Variants in ELOVL7 observed in about 807,000 individuals in gnomAD.
The protein encoded by ELOVL7 is ELOVL fatty acid elongase 7.
A neutral mutation model predicts 35.7 loss-of-function variants in ELOVL7; 27 were observed. The observed-to-expected ratio is 0.76, with a 90% CI of 0.56 to 1.04. ELOVL7 has a LOEUF of 1.04. Among genes scored for constraint, ELOVL7 ranks in the 50% least tolerant of loss-of-function variants. ELOVL7 has a pLI of 0.00. For missense variants in ELOVL7, 327 were observed against 340.8 expected (o/e 0.96, Z 0.32); for synonymous variants, 113 against 114.6 (o/e 0.99, Z 0.09).
At position 60,771,996 on chromosome 5, in the gene ELOVL7, C is replaced by T. The variant is rs376599737; in HGVS notation, c.162G>A (p.Lys54=). 3 of 1,613,870 alleles carry T rather than the reference C, an allele frequency of 1.9e-6. No individual in the cohort carries two copies. Among genetic ancestry groups the T allele is most frequent in the Non-Finnish European group, 2.5e-6 (3 of 1,179,790 alleles). The change falls in exon 4 of 9, where the codon AAG becomes AAA. Residue 54 remains lysine (K), a synonymous_variant. Transcript: ENST00000508821. ...CAAAGGGCTTGCGATTTTCCATGAG[C>T]TTTGGTCCCAAGGAAGTGACAAAAT... ...YVYFVTSLGP[K]LMENRKPFEL...
At chr5:60,834,760 C>T (rs138528745) in intron 1 of ELOVL7, among the ~76,000 whole-genome samples, 141 of 152,250 alleles carry the variant, frequency 9.3e-4, no homozygotes, top group African/African-American at 3.2e-3. Context: ...CTAACAGGAG[C>T]AGGAATTCTG....
chr5:60,780,322 G>T, intron 3 of ELOVL7, among the ~76,000 whole-genome samples: 1 of 151,910 alleles, frequency 6.6e-6, no homozygotes, highest in Admixed American at 6.6e-5. Context: ...GTTTCTCTAT[G>T]TTGGTCAGGC....
At chr5:60,837,339 T>G (rs909012003) in intron 1 of ELOVL7, among the ~76,000 whole-genome samples, 1,564 of 75,702 alleles carry the variant, frequency 0.021, 2 homozygotes, top group African/African-American at 0.041. Context: ...GGGGTGGGGG[T>G]GGCGCTTGTC....
chr5:60,827,039 T>C (rs1746208064), intron 1 of ELOVL7, among the ~76,000 whole-genome samples: 2 of 152,194 alleles, frequency 1.3e-5, no homozygotes. Context: ...AGGATCTTCA[T>C]TTATTCCATG....
chr5:60,826,902 TCTGGGTTAGCAGA>T (rs1177663632), intron 1 of ELOVL7, among the ~76,000 whole-genome samples: 1 of 152,200 alleles, frequency 6.6e-6, no homozygotes, highest in Non-Finnish European at 1.5e-5. Context: ...ATAAATGGCC[TCTGGGTTAGCAGA>T]CTGTATTTGT....
chr5:60,788,317 G>A (rs887544852), intron 2 of ELOVL7, among the ~76,000 whole-genome samples: 70 of 152,242 alleles, frequency 4.6e-4, no homozygotes, highest in African/African-American at 1.7e-3. Flanking sequence ...AAGCCATGTG[G>A]TGGGAACATG....
chr5:60,782,079 T>C (rs1743289125), intron 3 of ELOVL7, among the ~76,000 whole-genome samples: 1 of 152,296 alleles, frequency 6.6e-6, no homozygotes, highest in African/African-American at 2.4e-5. Context: ...TCCATTTTTT[T>C]AAATGTGCAA....
intron 1 of ELOVL7, among the ~76,000 whole-genome samples, chr5:60,816,648 T>A (rs1178006368): frequency 6.6e-6 from 1 of 152,232 alleles, no homozygotes; most frequent in African/African-American, 2.4e-5. Context: ...TGTACAATGA[T>A]AATGCCATGG....
chr5:60,836,547 C>T (rs949099366), intron 1 of ELOVL7, among the ~76,000 whole-genome samples: 3 of 152,058 alleles, frequency 2.0e-5, no homozygotes, highest in Non-Finnish European at 2.9e-5. Flanking sequence ...TGCAACACAG[C>T]ACTGTCTGCC....
At chr5:60,805,834 G>C (rs1051096119) in intron 1 of ELOVL7, among the ~76,000 whole-genome samples, 1 of 152,166 alleles carries the variant, frequency 6.6e-6, no homozygotes, top group Non-Finnish European at 1.5e-5. Flanking sequence ...CTCATGAAGA[G>C]GAAAGAGACT....
In ELOVL7 at chr5:60,787,411, T is replaced by C. The variant is rs766507604; in HGVS notation, c.-14A>G. ...ACTGAAGGCCATTTTCCACAGGATT[T>C]ACTGGCTCTTTTAATGGGTTCTTCA... On this transcript the variant is annotated 5_prime_UTR_variant, in exon 3 of 9. Coordinates refer to ENST00000508821, the MANE Select transcript of ELOVL7 (RefSeq NM_024930.3). 4 of 1,582,990 alleles carry C rather than the reference T, an allele frequency of 2.5e-6. No homozygotes were observed. In the African/African-American group the frequency reaches 5.5e-5, roughly 22 times the overall value.
intron 3 of ELOVL7, among the ~76,000 whole-genome samples, chr5:60,782,275 A>G (rs765811844): frequency 2.0e-5 from 3 of 152,236 alleles, no homozygotes; most frequent in Non-Finnish European, 4.4e-5. Context: ...ATGTGGAGAA[A>G]AGAGAACCCT....
Position 60,834,396 on chromosome 5 carries a change from C to T in ELOVL7, c.-86+9764G>A, listed in dbSNP as rs968447360. Among the ~76,000 whole-genome samples, 4 of 152,332 alleles carry T rather than the reference C, an allele frequency of 2.6e-5. No homozygotes were observed. In the East Asian group the frequency reaches 5.8e-4, roughly 22 times the overall value. ...TCCTGACCTTGTGATCCGCCCGCCTCGGCCTCCCAAAGTGCTGGGATTACA... is the reference window on the plus strand; with the variant it reads ...TCCTGACCTTGTGATCCGCCCGCCTTGGCCTCCCAAAGTGCTGGGATTACA... On this transcript the variant is annotated intron_variant, in intron 1 of 8. Transcript: ENST00000508821.
intron 1 of ELOVL7, among the ~76,000 whole-genome samples, chr5:60,814,391 T>C (rs948761566): frequency 6.6e-6 from 1 of 152,160 alleles, no homozygotes; most frequent in Non-Finnish European, 1.5e-5. Flanking sequence ...CAGAGTTTTC[T>C]TGAAACAAAG....
At chr5:60,756,384 T>G (rs1741540843) in intron 8 of ELOVL7, among the ~76,000 whole-genome samples, 1 of 152,158 alleles carries the variant, frequency 6.6e-6, no homozygotes, top group Admixed American at 6.5e-5. Context: ...TCCATGTATT[T>G]TTTTCTCTTT....
Position 60,807,990 on chromosome 5 carries a change from C to CT in ELOVL7, c.-85-8761dup, listed in dbSNP as rs1334725701. ...CTCCAGCCTGGGCGTGAGACTCCGT[C>CT]TCAAAAAAAAAAAAAAAAAAAAAAA... On this transcript the variant is annotated intron_variant, in intron 1 of 8. Transcript: ENST00000508821. Among the ~76,000 whole-genome samples the CT allele has an allele frequency of 6.8e-4, 28 of 40,912 alleles. No homozygotes were observed. The East Asian group carries it at 0.019, about 27-fold the overall frequency. The allele number at this position is 40,912 out of a possible 152,430, so 26.8% of individuals were successfully genotyped here.
chr5:60,841,133 C>A (rs1747143725), intron 1 of ELOVL7, among the ~76,000 whole-genome samples: 1 of 149,344 alleles, frequency 6.7e-6, no homozygotes, highest in African/African-American at 2.5e-5. Context: ...TCAAGCGATT[C>A]TCCTGCCTCA....
chr5:60,838,036 A>T (rs1746934237), intron 1 of ELOVL7, among the ~76,000 whole-genome samples: 1 of 152,236 alleles, frequency 6.6e-6, no homozygotes, highest in Non-Finnish European at 1.5e-5. Context: ...GAGGTTTCAT[A>T]AAGGTGAAAT....
At chr5:60,756,642 AC>A (rs958274317) in intron 8 of ELOVL7, among the ~76,000 whole-genome samples, 75 of 152,234 alleles carry the variant, frequency 4.9e-4, no homozygotes, top group African/African-American at 1.8e-3. Context: ...TAAAATATCA[AC>A]CTCTCACCTG....
Sources: gnomAD v4.1 joint callset for allele counts (sites outside exome capture counted in the v4.1 genomes callset) on GRCh38, gnomAD v4.1.1 for gene constraint, MANE v1.5 for transcripts, NCBI Gene and HGNC (gene_info 2026-07-23, HGNC 2026-07-21) for gene names.